Variants in MAGI2 observed in about 807,000 individuals in gnomAD.
The protein encoded by MAGI2 is membrane-associated guanylate kinase, WW and PDZ domain-containing protein 2.
MAGI2 carries 35 observed loss-of-function variants against 133.3 expected under a neutral mutation model. That is an observed-to-expected ratio of 0.26 (90% CI 0.20 to 0.35). MAGI2 has a LOEUF of 0.35. Ranked by LOEUF, MAGI2 falls within the 10% of genes least tolerant of loss-of-function variation. The pLI is 1.00. For missense variants in MAGI2, 1,636 were observed against 1,863.4 expected, an observed-to-expected ratio of 0.88 and a Z score of 2.25; for synonymous variants, 729 against 710.6, an observed-to-expected ratio of 1.03 and a Z score of -0.41.
At chr7:78,547,655 G>GCA (rs1230293229) in intron 3 of MAGI2, among the ~76,000 whole-genome samples, 1 of 152,158 alleles carries the variant, frequency 6.6e-6, no homozygotes, top group South Asian at 2.1e-4. Context: ...AGGCACGCGC[G>GCA]CACACACACA....
chr7:79,175,610 A>T (rs1222542242), intron 1 of MAGI2, among the ~76,000 whole-genome samples: 1 of 151,986 alleles, frequency 6.6e-6, no homozygotes, highest in Non-Finnish European at 1.5e-5. Flanking sequence ...ATTTCACCGT[A>T]GTATACTTAC....
intron 1 of MAGI2, among the ~76,000 whole-genome samples, chr7:79,364,521 A>T (rs1331996768): frequency 6.6e-6 from 1 of 152,044 alleles, no homozygotes; most frequent in Non-Finnish European, 1.5e-5. Flanking sequence ...GAGAAGAATC[A>T]CTTTAGTTAA....
chr7:79,447,573 C>T lies in MAGI2; in HGVS notation c.301+5447G>A, dbSNP rs114924790. Among the ~76,000 whole-genome samples, 1,080 of 152,036 alleles carry T rather than the reference C, an allele frequency of 7.1e-3. 11 individuals are homozygous for T. Among genetic ancestry groups the T allele is most frequent in the African/African-American group, 0.025 (1,040 of 41,496 alleles). On this transcript the variant is annotated intron_variant, in intron 1 of 21. Transcript: ENST00000354212. Reference sequence around the variant, plus strand: ...CTAGCAGTGGAAGTATTGTTGGTTGCTTCACCTTGTAACAGTATTAATACA... The same window carrying T: ...CTAGCAGTGGAAGTATTGTTGGTTGTTTCACCTTGTAACAGTATTAATACA...
At chr7:79,154,822 C>T (rs986276848) in intron 1 of MAGI2, among the ~76,000 whole-genome samples, 4 of 152,184 alleles carry the variant, frequency 2.6e-5, no homozygotes, top group Admixed American at 2.6e-4. Flanking sequence ...TGGTCTGCTG[C>T]TCTTTTACTC....
At chr7:78,632,802 A>G (rs1809162060) in intron 2 of MAGI2, among the ~76,000 whole-genome samples, 1 of 152,228 alleles carries the variant, frequency 6.6e-6, no homozygotes, top group Non-Finnish European at 1.5e-5. Context: ...ATTAGAGTGT[A>G]AATTAGTTCA....
intron 2 of MAGI2, among the ~76,000 whole-genome samples, chr7:78,951,849 T>G (rs1801899411): frequency 6.6e-6 from 1 of 152,172 alleles, no homozygotes; most frequent in Non-Finnish European, 1.5e-5. Flanking sequence ...TTGTAATCTA[T>G]TACTTCCTTT....
intron 21 of MAGI2, among the ~76,000 whole-genome samples, chr7:78,070,126 CATATATGTGTGTGTATATAT>C (rs1814344961): frequency 7.3e-6 from 1 of 136,224 alleles, no homozygotes. Context: ...CACACACACA[CATATATGTGTGTGTATATAT>C]ATACACACAT....
chr7:78,775,961 G>T (rs959828598), intron 2 of MAGI2, among the ~76,000 whole-genome samples: 1 of 152,118 alleles, frequency 6.6e-6, no homozygotes, highest in Non-Finnish European at 1.5e-5. Context: ...CCTGCAAAAG[G>T]CTCAGTCTTA....
At chr7:78,555,546 A>G (rs529583476) in intron 3 of MAGI2, among the ~76,000 whole-genome samples, 1 of 152,322 alleles carries the variant, frequency 6.6e-6, no homozygotes, top group South Asian at 2.1e-4. Flanking sequence ...ACAAAATTAA[A>G]CTAGCCCCAA....
At position 79,071,420 on chromosome 7, in the gene MAGI2, C is replaced by A. The variant is rs978760325; in HGVS notation, c.302-64214G>T. ...GGAGGTGTCTCCTAGTCAGGATACA[C>A]GGGGGTCAGGGACCCACTTGAGGAA... is the stretch of plus-strand genomic sequence containing the variant. On this transcript the variant is annotated intron_variant, in intron 1 of 21. Transcript: ENST00000354212. Among the ~76,000 whole-genome samples the A allele has an allele frequency of 3.9e-5, 6 of 152,164 alleles. No homozygotes were observed. In the East Asian group the frequency reaches 1.2e-3, roughly 30 times the overall value.
chr7:78,987,620 G>T (rs1175285399), intron 2 of MAGI2, among the ~76,000 whole-genome samples: 1 of 151,862 alleles, frequency 6.6e-6, no homozygotes, highest in Non-Finnish European at 1.5e-5. Flanking sequence ...GACAACTATG[G>T]AATATTTATT....
rs59287109 is a variant in MAGI2, at chr7:78,388,297, G to GTCATCA, written c.1046-19090_1046-19085dup. The stretch of plus-strand genomic sequence containing the variant: ...TGTTATCATCATCATCATCATCATC[G>GTCATCA]TCATCATCATCATCATCGGTAGTGG... On this transcript the variant is annotated intron_variant, in intron 6 of 21. Coordinates refer to ENST00000354212, the MANE Select transcript of MAGI2 (RefSeq NM_012301.4). Among the ~76,000 whole-genome samples the GTCATCA allele has an allele frequency of 4.0e-3, 435 of 108,998 alleles. 1 individual carries two copies. The highest frequency in any genetic ancestry group is 8.0e-3 in the Non-Finnish European group (354 of 44,400). The allele number at this position is 108,998 out of a possible 152,430, so 71.5% of individuals were successfully genotyped here. A position where few individuals can be genotyped will look rare whatever the true frequency, so the allele number is the denominator to read the frequency against.
At chr7:78,224,930 C>G (rs1331443479) in intron 10 of MAGI2, among the ~76,000 whole-genome samples, 4 of 152,060 alleles carry the variant, frequency 2.6e-5, no homozygotes, top group African/African-American at 9.7e-5. Flanking sequence ...ACTGTCATTC[C>G]CAGCAGAGAA....
intron 1 of MAGI2, among the ~76,000 whole-genome samples, chr7:79,183,265 C>T (rs952956991): frequency 1.3e-5 from 2 of 151,720 alleles, no homozygotes; most frequent in Non-Finnish European, 2.9e-5. Context: ...ATTACTCTGA[C>T]TTGATAATTA....
intron 1 of MAGI2, among the ~76,000 whole-genome samples, chr7:79,329,443 ATATGTG>A (rs1382092572): frequency 6.6e-6 from 1 of 152,278 alleles, no homozygotes; most frequent in African/African-American, 2.4e-5. Flanking sequence ...AAAAGGAAGT[ATATGTG>A]TATAATATTT....
At chr7:78,861,072 C>T (rs1794119428) in intron 2 of MAGI2, among the ~76,000 whole-genome samples, 1 of 152,254 alleles carries the variant, frequency 6.6e-6, no homozygotes, top group South Asian at 2.1e-4. Context: ...CCTGGTGTGC[C>T]GTTTGCTAAG....
At chr7:78,068,390 T>A (rs1295989439) in intron 21 of MAGI2, among the ~76,000 whole-genome samples, 1 of 152,138 alleles carries the variant, frequency 6.6e-6, no homozygotes, top group Non-Finnish European at 1.5e-5. Context: ...TGGGGACCCC[T>A]GATATACAAC....
At chr7:78,946,329 G>T (rs985727239) in intron 2 of MAGI2, among the ~76,000 whole-genome samples, 1 of 152,116 alleles carries the variant, frequency 6.6e-6, no homozygotes, top group African/African-American at 2.4e-5. Flanking sequence ...ACCAATGTAA[G>T]AATTTGCTTA....
At chr7:78,608,989 G>T (rs1007862555) in intron 3 of MAGI2, among the ~76,000 whole-genome samples, 2 of 152,194 alleles carry the variant, frequency 1.3e-5, no homozygotes, top group Admixed American at 6.5e-5. Context: ...GCCAATCTGA[G>T]TGTCAAAACT....
Sources: allele counts gnomAD v4.1 joint callset (sites outside exome capture counted in the v4.1 genomes callset), GRCh38; gene constraint gnomAD v4.1.1; transcripts MANE v1.5; gene names NCBI Gene and HGNC (gene_info 2026-07-23, HGNC 2026-07-21).